The following IL5 variants were observed in gnomAD, a reference collection of about 807,000 sequenced individuals.
The protein encoded by IL5 is interleukin-5.
In IL5, 12 loss-of-function variants were observed where a neutral mutation model predicts 16.3. The observed-to-expected ratio is 0.74, with a 90% CI of 0.47 to 1.20. The LOEUF is 1.20. Among genes scored for constraint, IL5 ranks in the 50% most tolerant of loss-of-function variants. The pLI, the probability that IL5 is intolerant of heterozygous loss-of-function variation, is 0.00. For synonymous variants in IL5, 54 were observed against 56.6 expected, an observed-to-expected ratio of 0.95 and a Z score of 0.21; for missense variants, 159 against 153.9, an observed-to-expected ratio of 1.03 and a Z score of -0.17.
At chr5:132,552,925 G>A (rs1749907272) in intron 1 of IL5, among the ~76,000 whole-genome samples, 1 of 151,992 alleles carries the variant, frequency 6.6e-6, no homozygotes, top group Admixed American at 6.6e-5. Flanking sequence ...TAGTAGAGAC[G>A]GGGTTTCACC....
At chr5:132,549,354 T>G (rs2149825944) in intron 1 of IL5, among the ~76,000 whole-genome samples, 1 of 152,090 alleles carries the variant, frequency 6.6e-6, no homozygotes, top group African/African-American at 2.4e-5. Context: ...GTGCCCGGCC[T>G]CAAGGAGTCT....
chr5:132,556,706 C>T, exon 1 of IL5: 4 of 1,253,420 alleles, frequency 3.2e-6, no homozygotes, highest in Non-Finnish European at 4.1e-6. Flanking sequence ...CACCCCACCA[C>T]TACCCCCATT....
intron 1 of IL5, among the ~76,000 whole-genome samples, chr5:132,551,616 C>T (rs757988628): frequency 1.6e-4 from 25 of 152,148 alleles, no homozygotes; most frequent in Non-Finnish European, 8.8e-5. Flanking sequence ...GTGCCCACCT[C>T]GCACCCTGAG....
chr5:132,543,707 A>G (rs980004916), upstream of IL5: 1 of 368,702 alleles, frequency 2.7e-6, no homozygotes, highest in Non-Finnish European at 4.8e-6. Context: ...TCCCCCCTTT[A>G]AAAACATTTT....
intron 1 of IL5, among the ~76,000 whole-genome samples, chr5:132,552,749 T>C (rs1444324421): frequency 6.6e-6 from 1 of 152,204 alleles, no homozygotes; most frequent in East Asian, 1.9e-4. Flanking sequence ...ATTATTATTA[T>C]TTTTGAGATA....
chr5:132,548,773 T>C (rs1411890340), intron 1 of IL5, among the ~76,000 whole-genome samples: 2 of 152,218 alleles, frequency 1.3e-5, no homozygotes, highest in Non-Finnish European at 2.9e-5. Context: ...AACCTTCAAC[T>C]GGAATAGTTG....
upstream of IL5, among the ~76,000 whole-genome samples, chr5:132,545,155 T>C (rs2149824133): frequency 6.6e-6 from 1 of 152,282 alleles, no homozygotes; most frequent in Middle Eastern, 3.4e-3. Flanking sequence ...GTCAAAGTGC[T>C]CTTAAAATGG....
In IL5 at chr5:132,542,058, AAT is replaced by A. The variant is rs554566913; in HGVS notation, c.261_262del (p.Phe88GlnfsTer11). The A allele has an allele frequency of 2.6e-5, 42 of 1,613,904 alleles. No homozygotes were observed. The highest frequency in any genetic ancestry group is 3.3e-5 in the Non-Finnish European group (39 of 1,179,820). On this transcript the variant is annotated frameshift_variant, in exon 3 of 4. Transcript: ENST00000231454. LOFTEE classifies it high-confidence loss of function. ...TTTCTTTATTAAGGACAAGTTTTTGAATAGTCTTTCCACAGTACCCCCTTGCA... is the reference window on the plus strand; with the variant it reads ...TTTCTTTATTAAGGACAAGTTTTTGAAGTCTTTCCACAGTACCCCCTTGCA...
chr5:132,555,418 G>C (rs1199361311), intron 1 of IL5, among the ~76,000 whole-genome samples: 1 of 152,244 alleles, frequency 6.6e-6, no homozygotes, highest in Non-Finnish European at 1.5e-5. Context: ...TGTTTAATGG[G>C]TAGTTTGTTT....
intron 3 of IL5, 21 bp from the exon 4 acceptor site, chr5:132,541,930 C>T (rs763845899): frequency 6.2e-7 from 1 of 1,611,564 alleles, no homozygotes; most frequent in Non-Finnish European, 8.5e-7. Flanking sequence ...AGAAAAATGA[C>T]AATAGGTATT....
intron 2 of IL5, among the ~76,000 whole-genome samples, chr5:132,542,666 G>T (rs1483431134): frequency 6.6e-6 from 1 of 152,128 alleles, no homozygotes; most frequent in East Asian, 1.9e-4. Context: ...AATTATTTAA[G>T]TATGCAGAAA....
chr5:132,556,663 C>T (rs1749990528), intron 1 of IL5: 1 of 1,241,440 alleles, frequency 8.1e-7, no homozygotes. Context: ...ATAGTTTTGA[C>T]ACGAACTGAC....
intron 1 of IL5, among the ~76,000 whole-genome samples, chr5:132,551,506 T>G (rs985755304): frequency 6.6e-6 from 1 of 152,032 alleles, no homozygotes; most frequent in Non-Finnish European, 1.5e-5. Flanking sequence ...GCATGTGAGG[T>G]GAATTGGCAT....
At position 132,552,546 on chromosome 5, in the gene IL5, AT is replaced by A. The variant is rs535608238; in HGVS notation, c.42+4127del. ...TAGTTTCCATTGTTACAAAGTTGAA[AT>A]TTTTTTGTAATGGAACCTGGTTACC... On this transcript the variant is annotated intron_variant, in intron 1 of 2. Coordinates refer to the IL5 transcript ENST00000450655. Among the ~76,000 whole-genome samples the A allele has an allele frequency of 2.1e-3, 323 of 152,124 alleles. 3 individuals carry two copies. Among genetic ancestry groups the A allele is most frequent in the African/African-American group, 6.9e-3 (285 of 41,476 alleles).
chr5:132,554,552 G>C (rs1399146249), intron 1 of IL5, among the ~76,000 whole-genome samples: 1 of 152,098 alleles, frequency 6.6e-6, no homozygotes, highest in East Asian at 1.9e-4. Flanking sequence ...ACAAGTGTTG[G>C]CAAGCATATG....
At chr5:132,552,521 T>C (rs1473374296) in intron 1 of IL5, among the ~76,000 whole-genome samples, 1 of 152,198 alleles carries the variant, frequency 6.6e-6, no homozygotes, top group Non-Finnish European at 1.5e-5. Context: ...CTTAGTTTTA[T>C]AGTTTCCATT....
In IL5 at chr5:132,542,107, C is replaced by A; in HGVS notation, c.214G>T (p.Gly72Cys). Residue 72 changes from glycine to cysteine, a missense_variant, in exon 3 of 4, where the codon GGC becomes TGC. Coordinates refer to ENST00000231454, the MANE Select transcript of IL5 (RefSeq NM_000879.3). ...LCTEEIFQGI[G>C]TLESQTVQGG... ...TGCACAGTTTGACTCTCCAGTGTGC[C>A]TATTCCCTGAAAGATTTCTTCAGTG... 1 of 1,612,922 alleles carries A rather than the reference C, an allele frequency of 6.2e-7. No homozygotes were observed. The highest frequency in any genetic ancestry group is 8.5e-7 in the Non-Finnish European group (1 of 1,179,254).
At chr5:132,546,436 A>G (rs983400566), upstream of IL5, among the ~76,000 whole-genome samples, 1 of 152,102 alleles carries the variant, frequency 6.6e-6, no homozygotes, top group Non-Finnish European at 1.5e-5. Flanking sequence ...ATTTAGCATA[A>G]TGTCTATTCT....
intron 1 of IL5, among the ~76,000 whole-genome samples, chr5:132,552,710 T>A (rs1195347821): frequency 1.3e-5 from 2 of 152,184 alleles, no homozygotes; most frequent in African/African-American, 4.8e-5. Context: ...CAAAATATTA[T>A]CACACCAAAT....
Sources: gnomAD v4.1 joint callset for allele counts (sites outside exome capture counted in the v4.1 genomes callset) on GRCh38, gnomAD v4.1.1 for gene constraint, MANE v1.5 for transcripts, NCBI Gene and HGNC (gene_info 2026-07-23, HGNC 2026-07-21) for gene names.